The following KIFAP3 variants were observed in gnomAD, a reference collection of about 807,000 sequenced individuals.
The protein encoded by KIFAP3 is kinesin-associated protein 3.
A neutral mutation model predicts 106.5 loss-of-function variants in KIFAP3; 68 were observed. The observed-to-expected ratio is 0.64, with a 90% CI of 0.53 to 0.78. KIFAP3 has a LOEUF of 0.78. Among genes scored for constraint, KIFAP3 ranks in the 30% least tolerant of loss-of-function variants. The probability of loss-of-function intolerance (pLI) is 0.00; values close to 1 mark genes in which losing one functional copy is unlikely to be tolerated. For missense variants in KIFAP3, 780 were observed against 941.8 expected (o/e 0.83, Z 2.25); for synonymous variants, 320 against 311.5 (o/e 1.03, Z -0.29).
At chr1:170,079,672 G>T (rs1231061300), upstream of KIFAP3, among the ~76,000 whole-genome samples, 3 of 151,840 alleles carry the variant, frequency 2.0e-5, no homozygotes, top group Non-Finnish European at 1.5e-5. Flanking sequence ...CCATAGCTTT[G>T]TAATATATTT....
chr1:169,926,596 C>A lies in KIFAP3; in HGVS notation c.2274-4815G>T, dbSNP rs528143487. Among the ~76,000 whole-genome samples, 24 of 151,668 alleles carry A rather than the reference C, an allele frequency of 1.6e-4. No homozygotes were observed. In the South Asian group the frequency reaches 4.8e-3, roughly 30 times the overall value. ...TGTATATATGTGTATATATATATAA[C>A]ATTGAGTTATATATAGTTATATAAT... is the stretch of plus-strand genomic sequence containing the variant. On this transcript the variant is annotated intron_variant, in intron 19 of 19. Coordinates refer to ENST00000361580, the MANE Select transcript of KIFAP3 (RefSeq NM_014970.4).
In KIFAP3 at chr1:169,954,070, G is replaced by T. The variant is rs751428469; in HGVS notation, c.2214C>A (p.Phe738Leu). The part of the protein sequence containing the change: ...IASEGAISPD[F>L]FNDYHLQNGD... ...CATTTTGAAGGTGGTAATCATTGAA[G>T]AAATCGGGACTTATGGCTCCTTCAG... is the stretch of plus-strand genomic sequence containing the variant. Residue 738 changes from phenylalanine to leucine, a missense_variant, in exon 19 of 20, where the codon TTC becomes TTA. Physicochemically the swap from Phe to Leu is conservative, Grantham distance 22. This residue lies in a region of KIFAP3 where 114 missense variants were observed against 122.3 expected (regional missense o/e 0.93). Coordinates refer to ENST00000361580, the MANE Select transcript of KIFAP3 (RefSeq NM_014970.4). The T allele has an allele frequency of 1.7e-5, 28 of 1,613,340 alleles. No individual in the cohort carries two copies. In the East Asian group the frequency reaches 5.8e-4, roughly 33 times the overall value.
At chr1:169,944,755 G>GTGGGTAGCTCCT (rs1350908783) in intron 19 of KIFAP3, among the ~76,000 whole-genome samples, 1 of 152,180 alleles carries the variant, frequency 6.6e-6, no homozygotes, top group African/African-American at 2.4e-5. Flanking sequence ...GAGATCTGCA[G>GTGGGTAGCTCCT]TGGGTAGCTC....
At chr1:170,025,630 GAAGT>G (rs901100296) in intron 8 of KIFAP3, among the ~76,000 whole-genome samples, 2 of 152,116 alleles carry the variant, frequency 1.3e-5, no homozygotes, top group Admixed American at 1.3e-4. Flanking sequence ...TATGAGGAAA[GAAGT>G]ATTATAAAAA....
At chr1:170,036,114 C>T (rs1449610215) in intron 5 of KIFAP3, among the ~76,000 whole-genome samples, 1 of 151,946 alleles carries the variant, frequency 6.6e-6, no homozygotes, top group Non-Finnish European at 1.5e-5. Flanking sequence ...AAAGCTTTCA[C>T]AAAATTAACT....
upstream of KIFAP3, among the ~76,000 whole-genome samples, chr1:170,075,200 A>G (rs1243992097): frequency 1.3e-5 from 2 of 152,214 alleles, no homozygotes; most frequent in African/African-American, 4.8e-5. Context: ...TCCTGAACTC[A>G]AGGTATGTTT....
chr1:170,037,296 A>G (rs1184840286), intron 5 of KIFAP3, among the ~76,000 whole-genome samples: 1 of 152,202 alleles, frequency 6.6e-6, no homozygotes, highest in Non-Finnish European at 1.5e-5. Flanking sequence ...CGACAAAACT[A>G]TTGATTTGAA....
intron 18 of KIFAP3, among the ~76,000 whole-genome samples, 191 bp downstream of exon 18, chr1:169,960,855 A>G (rs1373627975): frequency 1.0e-5 from 1 of 99,618 alleles, no homozygotes; most frequent in Non-Finnish European, 1.9e-5. Context: ...TCCATCAAAG[A>G]CTAACTTGGA....
intron 17 of KIFAP3, among the ~76,000 whole-genome samples, chr1:169,964,181 T>A (rs1484568620): frequency 2.0e-5 from 3 of 150,658 alleles, no homozygotes; most frequent in African/African-American, 7.4e-5. Flanking sequence ...AAGGAGATAA[T>A]ACATATAAAG....
At chr1:170,029,618 A>T (rs939163640) in intron 8 of KIFAP3, among the ~76,000 whole-genome samples, 8 of 152,106 alleles carry the variant, frequency 5.3e-5, no homozygotes, top group Admixed American at 5.2e-4. Flanking sequence ...ACAACAAAAA[A>T]TAAGAGTATA....
intron 15 of KIFAP3, among the ~76,000 whole-genome samples, chr1:169,979,668 T>C (rs1456804785): frequency 6.6e-6 from 1 of 152,110 alleles, no homozygotes; most frequent in Non-Finnish European, 1.5e-5. Flanking sequence ...GCAGCTCTCT[T>C]ACACTACTGG....
chr1:169,994,246 G>A (rs73035088), intron 10 of KIFAP3, among the ~76,000 whole-genome samples: 15,828 of 152,064 alleles, frequency 0.1, 972 homozygotes, highest in Admixed American at 0.18. Flanking sequence ...TGGTTGAGTG[G>A]GGATTTAACC....
Position 170,016,632 on chromosome 1 carries a change from AAAT to A in KIFAP3, c.1021-11_1021-9del, listed in dbSNP as rs774856479. On this transcript the variant is annotated splice_polypyrimidine_tract_variant and intron_variant, in intron 9 of 19. Coordinates refer to ENST00000361580, the MANE Select transcript of KIFAP3 (RefSeq NM_014970.4). ...AACAATATCCATTTCCACCTAAGTA[AAAT>A]AATAATACAAATACAGTGAAGTTCT... 15 of 1,543,008 alleles carry A rather than the reference AAAT, an allele frequency of 9.7e-6. No individual in the cohort carries two copies. Among genetic ancestry groups the A allele is most frequent in the Non-Finnish European group, 1.3e-5 (15 of 1,141,496 alleles).
chr1:170,033,759 A>G (rs1225241365), intron 7 of KIFAP3, among the ~76,000 whole-genome samples: 1 of 151,786 alleles, frequency 6.6e-6, no homozygotes, highest in Non-Finnish European at 1.5e-5. Context: ...TGGGTGAAAT[A>G]AATAAACACT....
At chr1:170,078,485 A>G (rs1671963604), upstream of KIFAP3, among the ~76,000 whole-genome samples, 1 of 152,186 alleles carries the variant, frequency 6.6e-6, no homozygotes, top group African/African-American at 2.4e-5. Context: ...GAAAGAAGGG[A>G]CATCATTCAG....
intron 3 of KIFAP3, among the ~76,000 whole-genome samples, chr1:170,042,547 T>C (rs1449052102): frequency 6.6e-6 from 1 of 152,236 alleles, no homozygotes; most frequent in African/African-American, 2.4e-5. Context: ...AATATTCATA[T>C]TGTTCCCTTT....
At chr1:169,961,257 C>G (rs1665314706) in intron 17 of KIFAP3, 22 bp from the exon 18 acceptor site, 3 of 1,586,638 alleles carry the variant, frequency 1.9e-6, no homozygotes, top group Non-Finnish European at 2.6e-6. Context: ...AAACAGTCAA[C>G]TGTTATTATA....
At chr1:170,012,734 A>G (rs1001639302) in intron 10 of KIFAP3, among the ~76,000 whole-genome samples, 18 of 152,132 alleles carry the variant, frequency 1.2e-4, no homozygotes, top group Middle Eastern at 3.2e-3. Context: ...TAATACAGAC[A>G]TACCCAAGAC....
intron 3 of KIFAP3, among the ~76,000 whole-genome samples, chr1:170,046,210 C>CAAAAAAAAAAAAAAAAAAAAAAA (rs60580320): frequency 1.8e-5 from 1 of 56,928 alleles, no homozygotes; most frequent in Non-Finnish European, 3.1e-5. Flanking sequence ...TTCTCTGCTG[C>CAAAAAAAAAAAAAAAAAAAAAAA]AAAAAAAAAA....
Sources: gnomAD v4.1 joint callset for allele counts (sites outside exome capture counted in the v4.1 genomes callset) on GRCh38, gnomAD v4.1.1 for gene constraint, gnomAD v4.1.1 regional missense constraint, MANE v1.5 for transcripts, NCBI Gene and HGNC (gene_info 2026-07-23, HGNC 2026-07-21) for gene names.